The following VRK2 variants were observed in gnomAD, a reference collection of about 807,000 sequenced individuals.
VRK2 encodes the protein serine/threonine-protein kinase VRK2.
A neutral mutation model predicts 57.6 loss-of-function variants in VRK2; 60 were observed. The ratio of observed to expected loss-of-function variants is 1.04; its 90% CI spans 0.85 to 1.29. The LOEUF (loss-of-function observed/expected upper bound fraction) is 1.29, where lower values mean the gene tolerates loss of function less well. VRK2 is among the 50% of genes most tolerant of loss of function. The probability of loss-of-function intolerance (pLI) is 0.00; values close to 1 mark genes in which losing one functional copy is unlikely to be tolerated. For synonymous variants in VRK2, 231 were observed against 199.2 expected (o/e 1.16, Z -1.35); for missense variants, 705 against 588.1 (o/e 1.20, Z -2.06).
chr2:57,944,067 C>T (rs899654047), intron 1 of VRK2, among the ~76,000 whole-genome samples: 5 of 151,800 alleles, frequency 3.3e-5, no homozygotes, highest in Non-Finnish European at 7.4e-5. Context: ...GAAAAACAAA[C>T]AAACAGAACA....
At chr2:58,008,154 T>A (rs533142890) in intron 1 of VRK2, among the ~76,000 whole-genome samples, 61 of 152,208 alleles carry the variant, frequency 4.0e-4, no homozygotes, top group African/African-American at 1.3e-3. Context: ...GAAACTAAAC[T>A]AGAAATCAAT....
intron 10 of VRK2, among the ~76,000 whole-genome samples, chr2:58,136,943 TATATC>T (rs1393494413): frequency 7.3e-6 from 1 of 136,480 alleles, no homozygotes; most frequent in Non-Finnish European, 1.5e-5. Flanking sequence ...ATATATATTA[TATATC>T]ATATATGTGT....
intron 12 of VRK2, among the ~76,000 whole-genome samples, chr2:58,156,978 T>C (rs1251565772): frequency 1.3e-5 from 2 of 152,148 alleles, no homozygotes; most frequent in South Asian, 2.1e-4. Flanking sequence ...TTAAAGAGTT[T>C]TGAGGTTAGT....
chr2:57,949,540 C>T (rs542813655), intron 1 of VRK2, among the ~76,000 whole-genome samples: 1 of 152,214 alleles, frequency 6.6e-6, no homozygotes, highest in Admixed American at 6.5e-5. Flanking sequence ...TGATAAATGT[C>T]GTGTGTGTTT....
At chr2:58,127,268 A>C (rs1678500379) in intron 8 of VRK2, among the ~76,000 whole-genome samples, 1 of 152,154 alleles carries the variant, frequency 6.6e-6, no homozygotes, top group Admixed American at 6.5e-5. Flanking sequence ...TAAACTGAGA[A>C]TGTATTTTCG....
At chr2:57,925,871 A>G (rs1176860829) in intron 1 of VRK2, among the ~76,000 whole-genome samples, 1 of 151,922 alleles carries the variant, frequency 6.6e-6, no homozygotes, top group African/African-American at 2.4e-5. Flanking sequence ...GTATAGCTAT[A>G]AACTTTCCTC....
chr2:57,926,447 G>A (rs1414200531), intron 1 of VRK2, among the ~76,000 whole-genome samples: 20 of 65,702 alleles, frequency 3.0e-4, no homozygotes, highest in Non-Finnish European at 5.0e-4. Flanking sequence ...ATATGTGTGT[G>A]TGTGTGTGTG....
At chr2:58,069,863 G>C (rs1669143805) in intron 2 of VRK2, among the ~76,000 whole-genome samples, 1 of 152,096 alleles carries the variant, frequency 6.6e-6, no homozygotes. Context: ...TCAAGGTTTG[G>C]GCTTCCTTGA....
intron 2 of VRK2, among the ~76,000 whole-genome samples, chr2:58,069,525 T>C (rs575086521): frequency 3.3e-5 from 5 of 152,250 alleles, no homozygotes; most frequent in Non-Finnish European, 5.9e-5. Flanking sequence ...TGCCTTGCCA[T>C]GCACCTGTGT....
intron 3 of VRK2, among the ~76,000 whole-genome samples, chr2:58,034,201 A>ATTG (rs1674203406): frequency 6.6e-6 from 1 of 151,976 alleles, no homozygotes; most frequent in Non-Finnish European, 1.5e-5. Context: ...AAAATACTTA[A>ATTG]ACTCACAAAT....
At chr2:58,032,233 T>C (rs927017205) in intron 2 of VRK2, among the ~76,000 whole-genome samples, 2 of 152,094 alleles carry the variant, frequency 1.3e-5, no homozygotes, top group African/African-American at 4.8e-5. Flanking sequence ...TTGATCTAAG[T>C]GTCCCGGTAT....
chr2:57,956,601 G>A (rs988447745), intron 1 of VRK2, among the ~76,000 whole-genome samples: 1 of 151,930 alleles, frequency 6.6e-6, no homozygotes, highest in African/African-American at 2.4e-5. Flanking sequence ...TTAAGTTTGG[G>A]GAATCCATTC....
At chr2:57,971,869 C>A (rs892378391) in intron 1 of VRK2, among the ~76,000 whole-genome samples, 3 of 151,906 alleles carry the variant, frequency 2.0e-5, no homozygotes, top group African/African-American at 2.4e-5. Context: ...CCTTAGCAAT[C>A]TCAAAGGTAA....
At chr2:58,116,889 G>C (rs1346427085) in intron 7 of VRK2, among the ~76,000 whole-genome samples, 1 of 152,208 alleles carries the variant, frequency 6.6e-6, no homozygotes, top group Non-Finnish European at 1.5e-5. Flanking sequence ...GCTCCTGGGG[G>C]AGGAGGTTCT....
intron 1 of VRK2, among the ~76,000 whole-genome samples, chr2:57,950,824 T>C (rs890451657): frequency 2.0e-5 from 3 of 152,192 alleles, no homozygotes; most frequent in African/African-American, 7.2e-5. Flanking sequence ...CTGGGCATGG[T>C]GGCTCATGCC....
In VRK2 at chr2:57,982,543, A is replaced by G. The variant is rs534374864; in HGVS notation, c.-438-43122A>G. The stretch of plus-strand genomic sequence containing the variant: ...TGGCTGTGGGAGGCTGCAGGCTGGT[A>G]TACATTGGCAGGGATCCACCTGAAA... On this transcript the variant is annotated intron_variant, in intron 1 of 15. Coordinates refer to the VRK2 transcript ENST00000417641. Among the ~76,000 whole-genome samples the G allele has an allele frequency of 1.1e-3, 169 of 152,246 alleles. 1 individual carries two copies. Among genetic ancestry groups the G allele is most frequent in the African/African-American group, 3.9e-3 (162 of 41,534 alleles).
Position 58,084,878 on chromosome 2 carries a change from TA to T in VRK2, c.187-2del. 6.6e-7 allele frequency: 1 copy of T among 1,520,334 alleles called. No individual in the cohort carries two copies. Among genetic ancestry groups the T allele is most frequent in the Non-Finnish European group, 8.9e-7 (1 of 1,118,758 alleles). The allele number at this position is 1,520,334 out of a possible 1,614,324, so 94.2% of individuals were successfully genotyped here. A position where few individuals can be genotyped will look rare whatever the true frequency, so the allele number is the denominator to read the frequency against. ...GTAAAATTAATTATTCTTTTTTTTA[TA>T]GGAATATCAAGAAAATGGCCCGTTA... is the stretch of plus-strand genomic sequence containing the variant. On this transcript the variant is annotated splice_acceptor_variant, in intron 3 of 12. Transcript: ENST00000340157. LOFTEE classifies it high-confidence loss of function.
intron 1 of VRK2, among the ~76,000 whole-genome samples, chr2:57,985,517 A>G (rs1558526457): frequency 6.6e-6 from 1 of 152,058 alleles, no homozygotes; most frequent in East Asian, 1.9e-4. Flanking sequence ...ACATGTTTTA[A>G]TACTGCTCCT....
chr2:57,948,647 C>T (rs1000276958), intron 1 of VRK2, among the ~76,000 whole-genome samples: 2 of 151,870 alleles, frequency 1.3e-5, no homozygotes, highest in Non-Finnish European at 2.9e-5. Context: ...GAATAAGAAA[C>T]ATTCTTAGAA....
Sources: gnomAD v4.1 joint callset for allele counts (sites outside exome capture counted in the v4.1 genomes callset) on GRCh38, gnomAD v4.1.1 for gene constraint, MANE v1.5 for transcripts, NCBI Gene and HGNC (gene_info 2026-07-23, HGNC 2026-07-21) for gene names.